The following VPS13A variants were observed in gnomAD, a reference collection of about 807,000 sequenced individuals.
The protein encoded by VPS13A is intermembrane lipid transfer protein VPS13A.
VPS13A carries 264 observed loss-of-function variants against 390.9 expected under a neutral mutation model. That is an observed-to-expected ratio of 0.68 (90% CI 0.61 to 0.75). VPS13A has a LOEUF of 0.75. Ranked by LOEUF, VPS13A falls within the 30% of genes least tolerant of loss-of-function variation. The pLI is 0.00. For missense variants in VPS13A, 3,409 were observed against 3,733.9 expected (o/e 0.91, Z 2.27); for synonymous variants, 1,231 against 1,227.1 (o/e 1.00, Z -0.07).
At chr9:77,219,883 C>T in intron 10 of VPS13A, 71 bp from the exon 11 acceptor site, 1 of 1,514,580 alleles carries the variant, frequency 6.6e-7, no homozygotes, top group South Asian at 1.1e-5. Context: ...GTGTTTTCAA[C>T]TTCATCACTT....
At chr9:77,314,717 T>G (rs1829288120) in intron 37 of VPS13A, 53 bp downstream of exon 37, 1 of 1,560,580 alleles carries the variant, frequency 6.4e-7, no homozygotes, top group Admixed American at 1.7e-5. Flanking sequence ...GTTGATATAT[T>G]TTACAGAATT....
In VPS13A at chr9:77,199,971, A is replaced by G. The variant is rs1825229724; in HGVS notation, c.127A>G (p.Ile43Val). The G allele has an allele frequency of 6.2e-7, 1 of 1,609,020 alleles. No homozygotes were observed. The highest frequency in any genetic ancestry group is 1.3e-5 in the African/African-American group (1 of 74,894). The change falls in exon 2 of 72, where the codon ATT (isoleucine) becomes GTT (valine). Residue 43 changes from isoleucine (I) to valine (V), a missense_variant. By Grantham distance (29) the Ile-to-Val change is conservative. This residue lies in a region of VPS13A where 2,717 missense variants were observed against 2,917.4 expected (regional missense o/e 0.93). Transcript: ENST00000360280. Reference sequence around the variant, plus strand: ...AGCTGTGGCCCTCAAGAATCTTCAAATTAAAGAAAATGCCCTGGTAGGTTT... The same window carrying G: ...AGCTGTGGCCCTCAAGAATCTTCAAGTTAAAGAAAATGCCCTGGTAGGTTT... ...KGAVALKNLQ[I>V]KENALSQLDV...
intron 69 of VPS13A, among the ~76,000 whole-genome samples, chr9:77,405,344 G>C (rs1004320971): frequency 3.3e-5 from 5 of 152,148 alleles, no homozygotes; most frequent in Non-Finnish European, 5.9e-5. Flanking sequence ...AGAAATGAAA[G>C]TATTTATTCT....
rs1312599198 is a variant in VPS13A at position 77,252,488 on chromosome 9, A to C, written c.2288+136A>C. The C allele has an allele frequency of 1.4e-5, 11 of 813,202 alleles. No homozygotes were observed. In the African/African-American group the frequency reaches 1.9e-4, roughly 14 times the overall value. The allele number at this position is 813,202 out of a possible 1,614,324, so 50.4% of individuals were successfully genotyped here. On this transcript the variant is annotated intron_variant, in intron 22 of 71. Coordinates refer to ENST00000360280, the MANE Select transcript of VPS13A (RefSeq NM_033305.3). ...TGACTCTTCCTTGTGTGTGTGGTAA[A>C]ATGTATATAAAATTTACCATTTTGA...
intron 17 of VPS13A, among the ~76,000 whole-genome samples, chr9:77,237,467 C>T (rs570530423): frequency 1.4e-4 from 21 of 150,246 alleles, no homozygotes; most frequent in Non-Finnish European, 2.5e-4. Context: ...CTGGTTCAAG[C>T]GATTTTCCTG....
intron 10 of VPS13A, 78 bp downstream of exon 10, chr9:77,214,464 G>T (rs1158636381): frequency 8.5e-7 from 1 of 1,171,358 alleles, no homozygotes; most frequent in Non-Finnish European, 1.3e-6. Flanking sequence ...TGCTATCACT[G>T]TGCTAGTTCC....
In VPS13A at chr9:77,344,231, A is replaced by G; in HGVS notation, c.7105A>G (p.Ile2369Val). 1.2e-6 allele frequency: 2 copies of G among 1,613,536 alleles called. No individual in the cohort carries two copies. Among genetic ancestry groups the G allele is most frequent in the East Asian group, 2.2e-5 (1 of 44,750 alleles). The change falls in exon 51 of 72, where the codon ATA (isoleucine) becomes GTA (valine). Residue 2369 changes from isoleucine (I) to valine (V), a missense_variant. Physicochemically the swap from Ile to Val is conservative, Grantham distance 29. This residue lies in a region of VPS13A where 2,717 missense variants were observed against 2,917.4 expected (regional missense o/e 0.93). Coordinates refer to ENST00000360280, the MANE Select transcript of VPS13A (RefSeq NM_033305.3). ...AAGGAGTGAAGATCCTCCCAAAAGGATATATTTTAACAAGCAGGAAAATTG... is the reference window on the plus strand; with the variant it reads ...AAGGAGTGAAGATCCTCCCAAAAGGGTATATTTTAACAAGCAGGAAAATTG... ...VERSEDPPKR[I>V]YFNKQENCIL...
At position 77,370,937 on chromosome 9, in the gene VPS13A, C is replaced by A; in HGVS notation, c.8953+2C>A. ...GAATTGTTACAAAACCAATCAAAGG[C>A]AAGTATAGTAGTTCCTTTGCAAGTC... On this transcript the variant is annotated splice_donor_variant, in intron 66 of 71. Transcript: ENST00000360280. LOFTEE classifies it high-confidence loss of function. The A allele has an allele frequency of 6.2e-7, 1 of 1,614,006 alleles. No homozygotes were observed. The highest frequency in any genetic ancestry group is 8.5e-7 in the Non-Finnish European group (1 of 1,179,986).
chr9:77,405,161 GAATTT>G (rs1430566952), intron 69 of VPS13A, among the ~76,000 whole-genome samples: 1 of 152,090 alleles, frequency 6.6e-6, no homozygotes, highest in Non-Finnish European at 1.5e-5. Flanking sequence ...GGGAAAACAA[GAATTT>G]ATTTAAAAAT....
At chr9:77,321,416 A>G (rs1829738784) in intron 43 of VPS13A, 75 bp from the exon 44 acceptor site, 14 of 1,589,862 alleles carry the variant, frequency 8.8e-6, no homozygotes, top group Non-Finnish European at 1.2e-5. Flanking sequence ...CTTAGTTGTC[A>G]TTTGTCCTTT....
At position 77,340,559 on chromosome 9, in the gene VPS13A, A is replaced by C. The variant is rs1351267872; in HGVS notation, c.7026+9A>C. 2 of 1,611,916 alleles carry C rather than the reference A, an allele frequency of 1.2e-6. No homozygotes were observed. Among genetic ancestry groups the C allele is most frequent in the Admixed American group, 3.3e-5 (2 of 60,006 alleles). ...CTCTTGATTTGGAGCAGGTGGGTAG[A>C]TGAATTTCAAAAATATACCTCTTTG... On this transcript the variant is annotated intron_variant, in intron 50 of 71. Coordinates refer to ENST00000360280, the MANE Select transcript of VPS13A (RefSeq NM_033305.3).
chr9:77,265,905 A>G (rs756147238), intron 23 of VPS13A, among the ~76,000 whole-genome samples: 7 of 152,210 alleles, frequency 4.6e-5, no homozygotes, highest in African/African-American at 1.4e-4. Flanking sequence ...TGTTGATTTT[A>G]GATCTTTCCC....
chr9:77,263,243 A>AC (rs972847221), intron 23 of VPS13A, among the ~76,000 whole-genome samples: 1 of 151,622 alleles, frequency 6.6e-6, no homozygotes. Context: ...AGTAGCTGGG[A>AC]CTACAGGTGC....
intron 35 of VPS13A, among the ~76,000 whole-genome samples, chr9:77,312,674 C>G (rs1333777571): frequency 6.6e-6 from 1 of 152,126 alleles, no homozygotes; most frequent in Non-Finnish European, 1.5e-5. Context: ...CTTGGCCTCC[C>G]AAAGTGCTGG....
Position 77,238,208 on chromosome 9 carries a change from A to G in VPS13A, c.1785+17A>G, listed in dbSNP as rs746545986. The G allele has an allele frequency of 6.2e-7, 1 of 1,610,162 alleles. No homozygotes were observed. Among genetic ancestry groups the G allele is most frequent in the African/African-American group, 1.3e-5 (1 of 74,906 alleles). On this transcript the variant is annotated intron_variant, in intron 18 of 71. Coordinates refer to ENST00000360280, the MANE Select transcript of VPS13A (RefSeq NM_033305.3). ...TATGATGCAGTAAGCATTTTTTTAA[A>G]TTACTAAGTTTTAATATAATTTAGT...
chr9:77,345,062 A>G lies in VPS13A; in HGVS notation c.7209A>G (p.Thr2403=). ...TGGCCGAGCATTCTACAGTTATTAC[A>G]TTTTTAGATTATCATGATGGAGCAG... ...VNLAEHSTVI[T]FLDYHDGAAT... Residue 2403 remains threonine (T), a synonymous_variant, in exon 52 of 72, where the codon ACA becomes ACG. Transcript: ENST00000360280. 1.2e-6 allele frequency: 2 copies of G among 1,613,268 alleles called. No homozygotes were observed. Among genetic ancestry groups the G allele is most frequent in the Non-Finnish European group, 1.7e-6 (2 of 1,179,838 alleles).
intron 4 of VPS13A, 84 bp downstream of exon 4, chr9:77,205,492 T>A: frequency 1.6e-6 from 1 of 627,678 alleles, no homozygotes; most frequent in Non-Finnish European, 2.4e-6. Flanking sequence ...ACTTTTGGAA[T>A]TTTTTTGAGA....
In VPS13A at chr9:77,233,768, T is replaced by C. The variant is rs1043021332; in HGVS notation, c.1596-4234T>C. Among the ~76,000 whole-genome samples, 53 of 152,320 alleles carry C rather than the reference T, an allele frequency of 3.5e-4. 1 individual carries two copies. The highest frequency in any genetic ancestry group is 2.1e-4 in the South Asian group (1 of 4,822). On this transcript the variant is annotated intron_variant, in intron 17 of 71. Transcript: ENST00000360280. ...GTGGTTGGAGAAGATGCTTGGTGTATTATTAAACTTGTTGAGATTTGCTTT... is the reference window on the plus strand; with the variant it reads ...GTGGTTGGAGAAGATGCTTGGTGTACTATTAAACTTGTTGAGATTTGCTTT...
chr9:77,396,793 A>T (rs1413451548), intron 68 of VPS13A, among the ~76,000 whole-genome samples: 1 of 152,188 alleles, frequency 6.6e-6, no homozygotes, highest in Non-Finnish European at 1.5e-5. Context: ...GGCAGTATTT[A>T]CCATTTTACA....
Sources: allele counts gnomAD v4.1 joint callset (sites outside exome capture counted in the v4.1 genomes callset), GRCh38; gene constraint gnomAD v4.1.1; regional missense constraint gnomAD v4.1.1; transcripts MANE v1.5; gene names NCBI Gene and HGNC (gene_info 2026-07-23, HGNC 2026-07-21).